EIF4G3: variants seen among roughly 807,000 people sequenced by gnomAD.
EIF4G3 encodes the protein eIF-4-gamma 3.
EIF4G3 carries 34 observed loss-of-function variants against 186.4 expected under a neutral mutation model. That is an observed-to-expected ratio of 0.18 (90% confidence interval 0.14 to 0.24). The LOEUF (loss-of-function observed/expected upper bound fraction) is 0.24. Among genes scored for constraint, EIF4G3 ranks in the 10% least tolerant of loss-of-function variants. EIF4G3 has a pLI of 1.00. For synonymous variants in EIF4G3, 673 were observed against 679.5 expected (o/e 0.99, Z 0.15); for missense variants, 1,536 against 1,948.5 (o/e 0.79, Z 3.99).
intron 2 of EIF4G3, among the ~76,000 whole-genome samples, chr1:21,138,101 G>C (rs1340747326): frequency 6.6e-6 from 1 of 152,066 alleles, no homozygotes; most frequent in Non-Finnish European, 1.5e-5. Context: ...AAATAGCCCA[G>C]GTAACACAGT....
At chr1:21,141,750 G>A (rs996246456) in intron 2 of EIF4G3, among the ~76,000 whole-genome samples, 2 of 152,074 alleles carry the variant, frequency 1.3e-5, no homozygotes, top group East Asian at 1.9e-4. Context: ...ACAACATAGT[G>A]AGACCCTGAC....
intron 35 of EIF4G3, among the ~76,000 whole-genome samples, chr1:20,812,783 G>A (rs1473090010): frequency 2.0e-5 from 3 of 152,078 alleles, no homozygotes; most frequent in South Asian, 4.1e-4. Flanking sequence ...CTTTTTTGAT[G>A]AGAATAACCC....
intron 12 of EIF4G3, among the ~76,000 whole-genome samples, chr1:20,968,974 A>C (rs1180708757): frequency 6.6e-6 from 1 of 152,208 alleles, no homozygotes; most frequent in Non-Finnish European, 1.5e-5. Context: ...GCACTCAAGA[A>C]GCTCATTTAT....
chr1:20,943,882 T>C (rs1261541193), intron 13 of EIF4G3, among the ~76,000 whole-genome samples: 2 of 151,966 alleles, frequency 1.3e-5, no homozygotes, highest in East Asian at 3.9e-4. Flanking sequence ...AGTGATGAAA[T>C]AGAATCAATA....
chr1:20,828,196 A>G (rs184054899), intron 31 of EIF4G3, among the ~76,000 whole-genome samples: 44 of 151,950 alleles, frequency 2.9e-4, no homozygotes, highest in Non-Finnish European at 5.2e-4. Context: ...CCATGCCCAG[A>G]TAATTTTTGC....
chr1:20,844,226 C>T (rs2069833946), intron 29 of EIF4G3, among the ~76,000 whole-genome samples: 1 of 152,160 alleles, frequency 6.6e-6, no homozygotes, highest in South Asian at 2.1e-4. Context: ...TCTCAGGAAT[C>T]GCCACACTTC....
intron 12 of EIF4G3, among the ~76,000 whole-genome samples, chr1:20,966,720 C>T (rs546119472): frequency 1.3e-5 from 2 of 151,936 alleles, no homozygotes; most frequent in East Asian, 1.9e-4. Context: ...GTGATCTGCC[C>T]GCCTCAGCCT....
intron 2 of EIF4G3, among the ~76,000 whole-genome samples, chr1:21,113,878 T>G (rs1032063262): frequency 2.0e-5 from 3 of 152,100 alleles, no homozygotes; most frequent in African/African-American, 7.2e-5. Flanking sequence ...TAGCTGGATG[T>G]GGTGGCACAT....
At chr1:20,828,460 T>C (rs2064232061) in intron 31 of EIF4G3, among the ~76,000 whole-genome samples, 1 of 152,226 alleles carries the variant, frequency 6.6e-6, no homozygotes, top group Non-Finnish European at 1.5e-5. Flanking sequence ...ATATCTATAC[T>C]CTAAGTGAGG....
chr1:20,974,869 T>A (rs1335391187), intron 10 of EIF4G3, among the ~76,000 whole-genome samples: 2 of 152,148 alleles, frequency 1.3e-5, no homozygotes, highest in Admixed American at 1.3e-4. Flanking sequence ...GGATAATTGA[T>A]TCACCGTAAC....
intron 18 of EIF4G3, chr1:20,892,772 A>G (rs1171675091): frequency 5.3e-6 from 7 of 1,320,276 alleles, no homozygotes; most frequent in Non-Finnish European, 7.3e-6. Flanking sequence ...GCTGAATGTC[A>G]TCAGAGATCT....
chr1:21,093,282 TG>T (rs1380417898), intron 2 of EIF4G3, among the ~76,000 whole-genome samples: 57 of 152,250 alleles, frequency 3.7e-4, no homozygotes, highest in African/African-American at 1.3e-3. Flanking sequence ...CATCACAAAG[TG>T]GGCAAAGGAT....
chr1:20,969,345 T>C, intron 12 of EIF4G3, 129 bp downstream of exon 12: 1 of 1,081,830 alleles, frequency 9.2e-7, no homozygotes, highest in Non-Finnish European at 1.3e-6. Context: ...TTAAATACCA[T>C]TTAGATATTC....
At chr1:20,975,390 A>C (rs12091255) in intron 10 of EIF4G3, among the ~76,000 whole-genome samples, 19,494 of 151,426 alleles carry the variant, frequency 0.13, 1,410 homozygotes, top group East Asian at 0.18. Context: ...AAAAAACAAA[A>C]AAAAAAAAAA....
chr1:20,878,758 T>C (rs1250793102), intron 20 of EIF4G3, among the ~76,000 whole-genome samples: 1 of 152,204 alleles, frequency 6.6e-6, no homozygotes, highest in Admixed American at 6.5e-5. Flanking sequence ...CAATGAACAC[T>C]AACCAGAAGC....
chr1:20,890,494 G>C (rs1198013075), intron 18 of EIF4G3, among the ~76,000 whole-genome samples: 1 of 151,996 alleles, frequency 6.6e-6, no homozygotes, highest in Non-Finnish European at 1.5e-5. Context: ...CCAGGCTGGA[G>C]TGCAGTGGTA....
At chr1:20,834,072 C>G (rs1557838795) in intron 30 of EIF4G3, among the ~76,000 whole-genome samples, 1 of 152,136 alleles carries the variant, frequency 6.6e-6, no homozygotes, top group South Asian at 2.1e-4. Flanking sequence ...ATGGCAGTAG[C>G]AAGTCCTTAT....
In EIF4G3 at chr1:21,159,015, CCTT is replaced by C. The variant is rs1173768418; in HGVS notation, c.-272+17157_-272+17159del. ...AAAAAAGAAAAAAAAGAAAAAAAAA[CCTT>C]CTACACATTTCCTTCTTTTATCTGC... On this transcript the variant is annotated intron_variant, in intron 2 of 36. Transcript: ENST00000602326. Among the ~76,000 whole-genome samples the C allele has an allele frequency of 2.9e-4, 44 of 151,792 alleles. 1 individual carries two copies. In the South Asian group the frequency reaches 9.2e-3, roughly 32 times the overall value.
chr1:20,981,981 C>T (rs2078391968), intron 8 of EIF4G3, among the ~76,000 whole-genome samples: 1 of 152,062 alleles, frequency 6.6e-6, no homozygotes, highest in Admixed American at 6.5e-5. Context: ...TTATAAAATA[C>T]TTAGAAGAAC....
Sources: allele counts gnomAD v4.1 joint callset (sites outside exome capture counted in the v4.1 genomes callset), GRCh38; gene constraint gnomAD v4.1.1; transcripts MANE v1.5; gene names NCBI Gene and HGNC (gene_info 2026-07-23, HGNC 2026-07-21).